PEX7: variants seen among roughly 807,000 people sequenced by gnomAD.
PEX7 encodes the protein peroxisomal biogenesis factor 7, also known as PTS2 receptor.
PEX7 carries 34 observed loss-of-function variants against 47.5 expected under a neutral mutation model. That is an observed-to-expected ratio of 0.72 (90% confidence interval 0.54 to 0.95). The LOEUF is 0.95. Ranked by LOEUF, PEX7 falls within the 40% of genes least tolerant of loss-of-function variation. The pLI is 0.00. For synonymous variants in PEX7, 141 were observed against 148.8 expected (o/e 0.95, Z 0.38); for missense variants, 394 against 400.3 (o/e 0.98, Z 0.13).
chr6:136,898,934 A>C (rs550797961), intron 9 of PEX7, among the ~76,000 whole-genome samples: 45 of 152,284 alleles, frequency 3.0e-4, no homozygotes, highest in South Asian at 2.7e-3. Flanking sequence ...TCAATGAAAC[A>C]CAAAATAATA....
chr6:136,840,502 C>T (rs923066443), intron 3 of PEX7, among the ~76,000 whole-genome samples: 1 of 88,452 alleles, frequency 1.1e-5, no homozygotes, highest in Non-Finnish European at 2.4e-5. Flanking sequence ...AGCGAAGATG[C>T]TAAGTTGGAG....
intron 3 of PEX7, among the ~76,000 whole-genome samples, chr6:136,831,393 C>T (rs911193329): frequency 6.6e-6 from 1 of 152,146 alleles, no homozygotes; most frequent in African/African-American, 2.4e-5. Context: ...CGGGTTCCTC[C>T]CTGGACACAT....
At chr6:136,846,218 A>C in intron 5 of PEX7, 37 bp downstream of exon 5, 1 of 1,324,958 alleles carries the variant, frequency 7.5e-7, no homozygotes, top group Non-Finnish European at 1.1e-6. Flanking sequence ...CCTTACTTGT[A>C]GTGAATGGTG....
At chr6:136,826,544 C>A in intron 3 of PEX7, 75 bp downstream of exon 3, 1 of 1,537,878 alleles carries the variant, frequency 6.5e-7, no homozygotes, top group Non-Finnish European at 9.0e-7. Flanking sequence ...GGGATGGACA[C>A]ATGGAGAAAT....
intron 3 of PEX7, among the ~76,000 whole-genome samples, chr6:136,827,677 C>T (rs1202057420): frequency 1.3e-5 from 2 of 152,046 alleles, no homozygotes; most frequent in East Asian, 1.9e-4. Context: ...GGATTACAGA[C>T]GTGCGCCACC....
chr6:136,858,824 A>G (rs1774908326), intron 5 of PEX7, among the ~76,000 whole-genome samples: 1 of 152,176 alleles, frequency 6.6e-6, no homozygotes, highest in Non-Finnish European at 1.5e-5. Context: ...GTTTTTTCTC[A>G]GTTTTGCTAG....
intron 5 of PEX7, among the ~76,000 whole-genome samples, chr6:136,863,974 G>A (rs543585773): frequency 6.6e-6 from 1 of 152,246 alleles, no homozygotes; most frequent in Non-Finnish European, 1.5e-5. Context: ...AGGCAGCAGC[G>A]CAGTGTAGTT....
At chr6:136,856,496 C>T (rs1185801049) in intron 5 of PEX7, among the ~76,000 whole-genome samples, 1 of 152,150 alleles carries the variant, frequency 6.6e-6, no homozygotes, top group Non-Finnish European at 1.5e-5. Context: ...AGCTCCAACA[C>T]CTACCTCTTT....
At chr6:136,890,373 C>T (rs947493065) in intron 8 of PEX7, among the ~76,000 whole-genome samples, 11 of 152,202 alleles carry the variant, frequency 7.2e-5, no homozygotes, top group Non-Finnish European at 1.5e-4. Flanking sequence ...GGCAGAAGCA[C>T]GGTGTGCAGT....
At position 136,846,125 on chromosome 6, in the gene PEX7, T is replaced by C. The variant is rs756716014; in HGVS notation, c.470T>C (p.Ile157Thr). 1 of 1,613,766 alleles carries C rather than the reference T, an allele frequency of 6.2e-7. No individual in the cohort carries two copies. The highest frequency in any genetic ancestry group is 1.1e-5 in the South Asian group (1 of 91,070). The change falls in exon 5 of 10, where the codon ATT becomes ACT. Residue 157 changes from isoleucine (I) to threonine (T), a missense_variant. Transcript: ENST00000318471. ...TGCACCTTTAGAGGCCATGAAAGTA[T>C]TATTTATAGCACAATCTGGTCTCCC... is the stretch of plus-strand genomic sequence containing the variant. Reference protein sequence around the residue: ...SLCTFRGHESIIYSTIWSPHI... With the variant: ...SLCTFRGHESTIYSTIWSPHI...
At chr6:136,876,177 A>G (rs547014859) in intron 8 of PEX7, among the ~76,000 whole-genome samples, 17 of 152,040 alleles carry the variant, frequency 1.1e-4, no homozygotes, top group African/African-American at 4.1e-4. Context: ...AGCTGGGACT[A>G]CAGGCACCCG....
chr6:136,825,363 A>G, intron 2 of PEX7, 92 bp downstream of exon 2: 2 of 1,092,312 alleles, frequency 1.8e-6, no homozygotes, highest in Non-Finnish European at 2.8e-6. Flanking sequence ...GTTTTAATAT[A>G]CAGTATAAAA....
intron 3 of PEX7, chr6:136,829,892 G>C (rs191097223): frequency 3.1e-6 from 2 of 647,610 alleles, no homozygotes; most frequent in Non-Finnish European, 5.5e-6. Flanking sequence ...AGCTGAGTTC[G>C]TGCCATTGCA....
chr6:136,877,185 TG>T (rs1160525093), intron 8 of PEX7, among the ~76,000 whole-genome samples: 1 of 152,052 alleles, frequency 6.6e-6, no homozygotes, highest in Non-Finnish European at 1.5e-5. Flanking sequence ...TTGATGGGGT[TG>T]TTTTTTTTTT....
chr6:136,900,851 G>A lies in PEX7; in HGVS notation c.903+2610G>A, dbSNP rs964629442. ...AAGTCTCTGCCTCTTCTCTTGCTTT[G>A]TCTCTGGTCTGTATTATGGGCCAGC... On this transcript the variant is annotated intron_variant, in intron 9 of 9. Coordinates refer to ENST00000318471, the MANE Select transcript of PEX7 (RefSeq NM_000288.4). The surrounding 1 kb of genome is among the most constrained non-coding windows in gnomAD (Gnocchi z 4.2). The A allele has an allele frequency of 1.3e-5, 4 of 312,292 alleles. No homozygotes were observed. The highest frequency in any genetic ancestry group is 2.4e-5 in the Non-Finnish European group (4 of 164,306). 19.3% of individuals were successfully genotyped at this position (312,292 alleles called of 1,614,324 possible). A position where few individuals can be genotyped will look rare whatever the true frequency, so the allele number is the denominator to read the frequency against.
intron 8 of PEX7, among the ~76,000 whole-genome samples, chr6:136,892,492 C>G (rs1775573193): frequency 6.6e-6 from 1 of 152,180 alleles, no homozygotes; most frequent in Non-Finnish European, 1.5e-5. Context: ...TTTATTAGCT[C>G]TATAACCATG....
At chr6:136,869,215 G>A (rs967646093) in intron 6 of PEX7, among the ~76,000 whole-genome samples, 19 of 151,856 alleles carry the variant, frequency 1.3e-4, no homozygotes, top group African/African-American at 4.1e-4. Context: ...GTGAACCACC[G>A]CACCCAGCCT....
At chr6:136,857,990 A>G (rs537045550) in intron 5 of PEX7, among the ~76,000 whole-genome samples, 1 of 152,114 alleles carries the variant, frequency 6.6e-6, no homozygotes, top group South Asian at 2.1e-4. Flanking sequence ...TAATTTTTGT[A>G]TTTTTGGTAG....
In PEX7 at chr6:136,900,689, C is replaced by T. The variant is rs1033711410; in HGVS notation, c.903+2448C>T. On this transcript the variant is annotated intron_variant, in intron 9 of 9. Coordinates refer to ENST00000318471, the MANE Select transcript of PEX7 (RefSeq NM_000288.4). The surrounding 1 kb of genome is among the most constrained non-coding windows in gnomAD (Gnocchi z 4.2). The stretch of plus-strand genomic sequence containing the variant: ...AAGACAACCAGCTTGATGGGATCCA[C>T]GTCATGTGCAGTCACCGCCAGCTGA... 6 of 347,112 alleles carry T rather than the reference C, an allele frequency of 1.7e-5. 1 individual carries two copies. Among genetic ancestry groups the T allele is most frequent in the African/African-American group, 4.4e-5 (2 of 45,752 alleles). 21.5% of individuals were successfully genotyped at this position (347,112 alleles called of 1,614,324 possible). A position where few individuals can be genotyped will look rare whatever the true frequency, so the allele number is the denominator to read the frequency against.
Sources: gnomAD v4.1 joint callset for allele counts (sites outside exome capture counted in the v4.1 genomes callset) on GRCh38, gnomAD v4.1.1 for gene constraint, Gnocchi (gnomAD v3.1) non-coding constraint, MANE v1.5 for transcripts, NCBI Gene and HGNC (gene_info 2026-07-23, HGNC 2026-07-21) for gene names.